Variants in PRKACB observed in about 807,000 individuals in gnomAD.
PRKACB encodes protein kinase cAMP-activated catalytic subunit beta.
In PRKACB, 16 loss-of-function variants were observed where a neutral mutation model predicts 51.4. The ratio of observed to expected loss-of-function variants is 0.31; its 90% confidence interval spans 0.21 to 0.47. The LOEUF (loss-of-function observed/expected upper bound fraction) is 0.47, where lower values mean the gene tolerates loss of function less well. Ranked by LOEUF, PRKACB falls within the 20% of genes least tolerant of loss-of-function variation. The pLI is 1.00. For missense variants in PRKACB, 309 were observed against 464.5 expected, an observed-to-expected ratio of 0.67 and a Z score of 3.08; for synonymous variants, 147 against 154.4, an observed-to-expected ratio of 0.95 and a Z score of 0.35.
At chr1:84,220,605 A>C (rs773658411) in intron 9 of PRKACB, among the ~76,000 whole-genome samples, 12 of 152,052 alleles carry the variant, frequency 7.9e-5, no homozygotes, top group Non-Finnish European at 1.6e-4. Context: ...TATGTTGAGT[A>C]ATGCCTCTTC....
chr1:84,155,910 A>G (rs754767562), intron 1 of PRKACB, among the ~76,000 whole-genome samples: 1 of 152,158 alleles, frequency 6.6e-6, no homozygotes, highest in Non-Finnish European at 1.5e-5. Context: ...CAGCTGCTTC[A>G]AGTATTGCTA....
rs138382566 is a variant in PRKACB, at chr1:84,138,576, A to G, written c.47-40601A>G. 3.5e-4 allele frequency among the ~76,000 whole-genome samples: 53 copies of G among 152,330 alleles called. No homozygotes were observed. In the East Asian group the frequency reaches 0.01, roughly 29 times the overall value. On this transcript the variant is annotated intron_variant, in intron 1 of 8. Coordinates refer to the PRKACB transcript ENST00000370688. ...AAAACGAAAAACAAAACACTGTCCCAGATAGTTCTGGGAAATTCTACAAAA... is the reference window on the plus strand; with the variant it reads ...AAAACGAAAAACAAAACACTGTCCCGGATAGTTCTGGGAAATTCTACAAAA...
intron 1 of PRKACB, among the ~76,000 whole-genome samples, chr1:84,175,362 T>G (rs535784321): frequency 1.3e-5 from 2 of 151,828 alleles, no homozygotes; most frequent in African/African-American, 4.8e-5. Flanking sequence ...GAAGAAAGAT[T>G]TATAAACTCT....
chr1:84,206,750 G>C (rs116786558), intron 8 of PRKACB, among the ~76,000 whole-genome samples: 2,039 of 152,248 alleles, frequency 0.013, 54 homozygotes, highest in African/African-American at 0.045. Flanking sequence ...TACCAACAGT[G>C]TAGGCACAGT....
At chr1:84,099,862 T>A (rs1649199849) in intron 1 of PRKACB, among the ~76,000 whole-genome samples, 1 of 152,188 alleles carries the variant, frequency 6.6e-6, no homozygotes, top group African/African-American at 2.4e-5. Context: ...AGCTATTGTT[T>A]TTAAGGGAAA....
chr1:84,088,078 T>C (rs115021296), intron 1 of PRKACB, among the ~76,000 whole-genome samples: 348 of 152,294 alleles, frequency 2.3e-3, no homozygotes, highest in African/African-American at 7.9e-3. Flanking sequence ...CAGAAAATTT[T>C]CCGAATCAAA....
rs779064809 is a variant in PRKACB, at chr1:84,120,528, AAC to A, written c.46+42163_46+42164del. On this transcript the variant is annotated intron_variant, in intron 1 of 8. Transcript: ENST00000370688. Reference sequence around the variant, plus strand: ...ATATAAAGAACAATAATTGTGTAAAAACACACAATAATGACTGTGCATCAAAA... The same window carrying A: ...ATATAAAGAACAATAATTGTGTAAAAACACAATAATGACTGTGCATCAAAA... Among the ~76,000 whole-genome samples, 74 of 152,206 alleles carry A rather than the reference AAC, an allele frequency of 4.9e-4. 1 individual carries two copies. The highest frequency in any genetic ancestry group is 3.5e-3 in the South Asian group (17 of 4,814).
At chr1:84,111,086 T>C (rs969825331) in intron 1 of PRKACB, among the ~76,000 whole-genome samples, 3 of 152,098 alleles carry the variant, frequency 2.0e-5, no homozygotes, top group Admixed American at 6.6e-5. Context: ...CTTCCAAATC[T>C]AATCTAACTC....
intron 9 of PRKACB, among the ~76,000 whole-genome samples, chr1:84,220,192 G>A (rs1673489692): frequency 1.3e-5 from 2 of 151,476 alleles, no homozygotes; most frequent in African/African-American, 4.9e-5. Flanking sequence ...TTTATTCCTA[G>A]GTATTTTATT....
At chr1:84,201,629 A>G (rs912918884) in intron 7 of PRKACB, among the ~76,000 whole-genome samples, 7 of 152,114 alleles carry the variant, frequency 4.6e-5, no homozygotes, top group Non-Finnish European at 1.0e-4. Context: ...CTAAAGTATT[A>G]TATTTTTGCT....
intron 5 of PRKACB, among the ~76,000 whole-genome samples, chr1:84,190,342 T>C (rs1666393970): frequency 6.6e-6 from 1 of 151,990 alleles, no homozygotes; most frequent in African/African-American, 2.4e-5. Context: ...TATAAATGTT[T>C]ATTTAATTAA....
intron 9 of PRKACB, among the ~76,000 whole-genome samples, chr1:84,218,572 T>G (rs986690855): frequency 6.6e-6 from 1 of 152,324 alleles, no homozygotes; most frequent in East Asian, 1.9e-4. Context: ...GACACTTAGG[T>G]TGATTCCATA....
At chr1:84,158,280 C>T (rs993146615) in intron 1 of PRKACB, among the ~76,000 whole-genome samples, 26 of 152,100 alleles carry the variant, frequency 1.7e-4, no homozygotes, top group African/African-American at 4.3e-4. Flanking sequence ...TCAAGTGATC[C>T]GCCCGCCTCA....
intron 1 of PRKACB, chr1:84,157,235 C>G (rs372224818): frequency 6.3e-4 from 96 of 152,204 alleles, no homozygotes; most frequent in African/African-American, 2.2e-3. Flanking sequence ...CCTTATGAAG[C>G]CTCAAAAGAT....
At chr1:84,164,588 T>A in intron 1 of PRKACB, 3 of 1,372,022 alleles carry the variant, frequency 2.2e-6, no homozygotes, top group Non-Finnish European at 2.9e-6. Flanking sequence ...AGCTACGCCT[T>A]GGATACAAGT....
chr1:84,158,013 G>T (rs897206278), intron 1 of PRKACB, among the ~76,000 whole-genome samples: 1 of 151,890 alleles, frequency 6.6e-6, no homozygotes, highest in Middle Eastern at 3.2e-3. Flanking sequence ...CACCAGTAAG[G>T]TAAGAGGGTT....
At chr1:84,099,759 CTT>C (rs1339496133) in intron 1 of PRKACB, among the ~76,000 whole-genome samples, 2 of 152,102 alleles carry the variant, frequency 1.3e-5, no homozygotes, top group African/African-American at 2.4e-5. Flanking sequence ...AGATTTTTCT[CTT>C]TTGCAAAATA....
chr1:84,227,862 T>A (rs1210253241), intron 9 of PRKACB, among the ~76,000 whole-genome samples: 2 of 152,168 alleles, frequency 1.3e-5, no homozygotes, highest in African/African-American at 2.4e-5. Flanking sequence ...TCATAGTAAA[T>A]ATGAATAGTT....
At chr1:84,146,988 AGAAT>A (rs1654186670) in intron 1 of PRKACB, among the ~76,000 whole-genome samples, 1 of 152,084 alleles carries the variant, frequency 6.6e-6, no homozygotes, top group Admixed American at 6.5e-5. Flanking sequence ...GTTCCAACTC[AGAAT>A]GAATGAGAGC....
Sources: allele counts gnomAD v4.1 joint callset (sites outside exome capture counted in the v4.1 genomes callset), GRCh38; gene constraint gnomAD v4.1.1; transcripts MANE v1.5; gene names NCBI Gene and HGNC (gene_info 2026-07-23, HGNC 2026-07-21).